Variants in HHIP observed in about 807,000 individuals in gnomAD.
HHIP encodes the protein hedgehog interacting protein, also known as hedgehog-interacting protein.
In HHIP, 12 loss-of-function variants were observed where a neutral mutation model predicts 74.0. The ratio of observed to expected loss-of-function variants is 0.16; its 90% CI spans 0.10 to 0.26. The LOEUF is 0.26. Ranked by LOEUF, HHIP falls within the 10% of genes least tolerant of loss-of-function variation. HHIP has a pLI of 1.00. For missense variants in HHIP, 788 were observed against 845.0 expected (o/e 0.93, Z 0.84); for synonymous variants, 309 against 311.6 (o/e 0.99, Z 0.09).
At chr4:144,734,982 T>C (rs566946037) in intron 12 of HHIP, 93 bp downstream of exon 12, 2 of 1,232,824 alleles carry the variant, frequency 1.6e-6, no homozygotes, top group East Asian at 2.4e-5. Context: ...TCTACAATAA[T>C]ATAGTGTTCA....
chr4:144,680,247 A>C (rs959408523), intron 4 of HHIP, among the ~76,000 whole-genome samples: 1 of 152,138 alleles, frequency 6.6e-6, no homozygotes, highest in African/African-American at 2.4e-5. Context: ...CCAAAAAAAA[A>C]CTTCTTGTTT....
intron 4 of HHIP, among the ~76,000 whole-genome samples, chr4:144,671,875 T>C (rs992327929): frequency 4.6e-5 from 7 of 152,026 alleles, no homozygotes; most frequent in Non-Finnish European, 8.8e-5. Flanking sequence ...TCTCAGCTAC[T>C]TGGGAAGCTG....
chr4:144,656,765 CA>C (rs1211152412), intron 2 of HHIP, among the ~76,000 whole-genome samples: 1 of 151,954 alleles, frequency 6.6e-6, no homozygotes, highest in Non-Finnish European at 1.5e-5. Flanking sequence ...AGATCTAGCC[CA>C]AAACTGTGCA....
chr4:144,682,494 C>T (rs1729374729), intron 4 of HHIP, among the ~76,000 whole-genome samples: 1 of 152,198 alleles, frequency 6.6e-6, no homozygotes, highest in Non-Finnish European at 1.5e-5. Context: ...AAATCTCTAT[C>T]TCTGTTCAAT....
intron 4 of HHIP, among the ~76,000 whole-genome samples, chr4:144,700,989 T>G (rs1184290264): frequency 6.6e-6 from 1 of 152,040 alleles, no homozygotes; most frequent in Non-Finnish European, 1.5e-5. Context: ...GGGTCCCATT[T>G]TAGTCCCAAG....
At chr4:144,734,306 A>T (rs1453146810) in intron 11 of HHIP, among the ~76,000 whole-genome samples, 15 of 152,000 alleles carry the variant, frequency 9.9e-5, no homozygotes, top group Admixed American at 9.8e-4. Context: ...TCAGCCCTGT[A>T]CTACTGCCAA....
intron 4 of HHIP, among the ~76,000 whole-genome samples, chr4:144,701,898 C>T (rs955387736): frequency 1.3e-5 from 2 of 151,940 alleles, no homozygotes; most frequent in Admixed American, 1.3e-4. Flanking sequence ...AAACAGAAAC[C>T]AGAAAAAAAC....
In HHIP at chr4:144,712,077, T is replaced by C. The variant is rs758682328; in HGVS notation, c.1423+6T>C. On this transcript the variant is annotated splice_donor_region_variant and intron_variant, in intron 8 of 12. Transcript: ENST00000296575. ...AATAAAGGGGAAAGATTATGGTATGTAGAGCATAATTTGCTGATTTTGCTT... is the reference window on the plus strand; with the variant it reads ...AATAAAGGGGAAAGATTATGGTATGCAGAGCATAATTTGCTGATTTTGCTT... 7.5e-6 allele frequency: 12 copies of C among 1,608,840 alleles called. No individual in the cohort carries two copies. The highest frequency in any genetic ancestry group is 6.8e-6 in the Non-Finnish European group (8 of 1,177,338).
chr4:144,723,347 C>T (rs980415864), intron 11 of HHIP, among the ~76,000 whole-genome samples: 1 of 152,150 alleles, frequency 6.6e-6, no homozygotes, highest in Non-Finnish European at 1.5e-5. Flanking sequence ...TCCTCTTCCC[C>T]CCATGGCCCA....
intron 4 of HHIP, among the ~76,000 whole-genome samples, chr4:144,663,975 G>A (rs1321674251): frequency 6.6e-6 from 1 of 152,186 alleles, no homozygotes; most frequent in African/African-American, 2.4e-5. Context: ...CTGTCACTTG[G>A]CAGGGTGGCC....
intron 4 of HHIP, among the ~76,000 whole-genome samples, chr4:144,663,061 G>A (rs1728756527): frequency 6.6e-6 from 1 of 152,124 alleles, no homozygotes; most frequent in Non-Finnish European, 1.5e-5. Context: ...CAAGTCAGGA[G>A]GATTACTTGA....
Position 144,707,189 on chromosome 4 carries a change from C to T in HHIP, c.1086C>T (p.Asp362=), listed in dbSNP as rs147110671. The change falls in exon 6 of 13, where the codon GAC becomes GAT. Residue 362 remains aspartate (D), a synonymous_variant. Transcript: ENST00000296575. ...HLGGQLLFGP[D]GFLYIILGDG... The stretch of plus-strand genomic sequence containing the variant: ...GAGGACAACTGCTCTTTGGCCCTGA[C>T]GGCTTTTTGTACATCATTCTTGGTG... The T allele has an allele frequency of 1.0e-4, 162 of 1,613,870 alleles. No individual in the cohort carries two copies. In the African/African-American group the frequency reaches 1.5e-3, roughly 14 times the overall value.
chr4:144,707,316 G>A, intron 6 of HHIP, 56 bp downstream of exon 6: 2 of 1,424,080 alleles, frequency 1.4e-6, no homozygotes, highest in South Asian at 1.4e-5. Context: ...TTAAGTGCCA[G>A]AAGAAAAGGT....
chr4:144,686,609 G>A (rs1036787574), intron 4 of HHIP, among the ~76,000 whole-genome samples: 4 of 151,956 alleles, frequency 2.6e-5, no homozygotes, highest in Non-Finnish European at 4.4e-5. Flanking sequence ...TTATGGGAAA[G>A]GCAATTGCTC....
At chr4:144,735,048 G>A (rs892307612) in intron 12 of HHIP, among the ~76,000 whole-genome samples, 159 bp downstream of exon 12, 5 of 152,152 alleles carry the variant, frequency 3.3e-5, no homozygotes, top group African/African-American at 9.7e-5. Flanking sequence ...GAGCTTGTAA[G>A]TAAAATCTTG....
chr4:144,708,123 T>G (rs756897004), intron 6 of HHIP, 45 bp from the exon 7 acceptor site: 1 of 1,594,234 alleles, frequency 6.3e-7, no homozygotes, highest in South Asian at 1.1e-5. Context: ...AGGTGAAATA[T>G]ATAATGAAAA....
intron 11 of HHIP, among the ~76,000 whole-genome samples, chr4:144,728,974 A>G (rs768856182): frequency 6.6e-6 from 1 of 152,128 alleles, no homozygotes; most frequent in Non-Finnish European, 1.5e-5. Context: ...TTATAAGTAA[A>G]CTGACACTGA....
chr4:144,671,379 GGGCAAACAAACAAACA>G (rs1263796374), intron 4 of HHIP, among the ~76,000 whole-genome samples: 3 of 149,056 alleles, frequency 2.0e-5, no homozygotes. Context: ...TAAGACTTCT[GGGCAAACAAACAAACA>G]GGCAAACAAA....
At chr4:144,712,298 TA>T (rs1191910995) in intron 8 of HHIP, among the ~76,000 whole-genome samples, 1 of 152,154 alleles carries the variant, frequency 6.6e-6, no homozygotes, top group Non-Finnish European at 1.5e-5. Context: ...AGGTTCTCAG[TA>T]GGTCCAAAAA....
Sources: allele counts gnomAD v4.1 joint callset (sites outside exome capture counted in the v4.1 genomes callset), GRCh38; gene constraint gnomAD v4.1.1; transcripts MANE v1.5; gene names NCBI Gene and HGNC (gene_info 2026-07-23, HGNC 2026-07-21).